LRRC4C: variants seen among roughly 807,000 people sequenced by gnomAD.
LRRC4C encodes leucine-rich repeat-containing protein 4C.
LRRC4C carries 5 observed loss-of-function variants against 33.6 expected under a neutral mutation model. The ratio of observed to expected loss-of-function variants is 0.15; its 90% CI spans 0.08 to 0.31. LRRC4C has a LOEUF of 0.31. LRRC4C is among the 10% of genes least tolerant of loss of function. The pLI is 1.00. For synonymous variants in LRRC4C, 329 were observed against 302.0 expected (o/e 1.09, Z -0.93); for missense variants, 560 against 796.7 (o/e 0.70, Z 3.58).
chr11:41,281,181 T>G (rs1017577725), intron 1 of LRRC4C, among the ~76,000 whole-genome samples: 3 of 149,836 alleles, frequency 2.0e-5, no homozygotes, highest in Non-Finnish European at 4.4e-5. Context: ...CCAGTAGTGC[T>G]AAAATCTAAA....
intron 1 of LRRC4C, among the ~76,000 whole-genome samples, chr11:41,154,092 A>G (rs1004634683): frequency 2.6e-5 from 4 of 152,176 alleles, no homozygotes; most frequent in African/African-American, 9.6e-5. Flanking sequence ...TGGCCTCCAG[A>G]ACTATAAGAG....
Position 41,244,345 on chromosome 11 carries a change from A to G in LRRC4C, c.-496+215086T>C, listed in dbSNP as rs542805392. On this transcript the variant is annotated intron_variant, in intron 1 of 6. Coordinates refer to ENST00000528697, the MANE Select transcript of LRRC4C (RefSeq NM_001258419.2). The stretch of plus-strand genomic sequence containing the variant: ...ACAAACAAATAGAAAATGATGCAAT[A>G]TATTTTATGTAAGAATTAATAGAAG... Among the ~76,000 whole-genome samples the G allele has an allele frequency of 2.0e-5, 3 of 152,316 alleles. No individual in the cohort carries two copies. The South Asian group carries it at 6.2e-4, about 32-fold the overall frequency.
At chr11:40,116,518 C>T (rs1359545041) in intron 6 of LRRC4C, among the ~76,000 whole-genome samples, 184 bp from the exon 7 acceptor site, 2 of 151,906 alleles carry the variant, frequency 1.3e-5, no homozygotes, top group African/African-American at 2.4e-5. Context: ...ACCTTTAATC[C>T]AAATTAAAGC....
intron 1 of LRRC4C, among the ~76,000 whole-genome samples, chr11:41,273,028 G>A (rs1949368414): frequency 6.6e-6 from 1 of 152,140 alleles, no homozygotes; most frequent in Non-Finnish European, 1.5e-5. Context: ...TTAAGAAAAT[G>A]TTTGGTGTCA....
At chr11:41,063,063 T>C (rs531194523) in intron 1 of LRRC4C, among the ~76,000 whole-genome samples, 7 of 152,334 alleles carry the variant, frequency 4.6e-5, no homozygotes, top group African/African-American at 1.7e-4. Flanking sequence ...AGGCAACTAA[T>C]ATATAATGAT....
intron 1 of LRRC4C, among the ~76,000 whole-genome samples, chr11:41,410,642 G>T (rs959868640): frequency 6.6e-6 from 1 of 151,806 alleles, no homozygotes; most frequent in Non-Finnish European, 1.5e-5. Flanking sequence ...GTGTTTCACC[G>T]TGTTAGCCAG....
intron 3 of LRRC4C, among the ~76,000 whole-genome samples, chr11:40,391,824 C>T (rs1949348958): frequency 6.6e-6 from 1 of 152,068 alleles, no homozygotes. Flanking sequence ...AATTTTATGT[C>T]CACATAAAAA....
At chr11:40,214,243 A>G (rs1863813496) in intron 5 of LRRC4C, among the ~76,000 whole-genome samples, 1 of 152,144 alleles carries the variant, frequency 6.6e-6, no homozygotes, top group African/African-American at 2.4e-5. Context: ...AAATTCTTAC[A>G]CATTCCCTCT....
At chr11:40,974,900 T>A (rs1353313550) in intron 1 of LRRC4C, among the ~76,000 whole-genome samples, 1 of 152,116 alleles carries the variant, frequency 6.6e-6, no homozygotes, top group East Asian at 1.9e-4. Context: ...ACTCCAGGAT[T>A]TACACCAGCA....
chr11:41,373,298 G>A (rs914683646), intron 1 of LRRC4C, among the ~76,000 whole-genome samples: 3 of 151,986 alleles, frequency 2.0e-5, no homozygotes, highest in African/African-American at 7.2e-5. Flanking sequence ...ACTACGTTTA[G>A]TTGTGTGTTT....
At chr11:40,952,563 C>T (rs1958743840) in intron 1 of LRRC4C, among the ~76,000 whole-genome samples, 1 of 151,816 alleles carries the variant, frequency 6.6e-6, no homozygotes, top group African/African-American at 2.4e-5. Context: ...TTCAGCAATG[C>T]AAATGTAAAT....
At chr11:40,544,500 C>T (rs1443932249) in intron 3 of LRRC4C, among the ~76,000 whole-genome samples, 1 of 152,020 alleles carries the variant, frequency 6.6e-6, no homozygotes, top group African/African-American at 2.4e-5. Flanking sequence ...AAAGCAGTAG[C>T]CCCTTACATA....
At chr11:40,414,664 AG>A (rs978250922) in intron 3 of LRRC4C, among the ~76,000 whole-genome samples, 8 of 152,084 alleles carry the variant, frequency 5.3e-5, no homozygotes, top group Admixed American at 3.9e-4. Context: ...ATTTAAAAAA[AG>A]ACCTATAAAA....
At chr11:40,662,316 A>T (rs1943481480) in intron 2 of LRRC4C, among the ~76,000 whole-genome samples, 1 of 152,130 alleles carries the variant, frequency 6.6e-6, no homozygotes, top group Admixed American at 6.5e-5. Context: ...CCCCACAGGA[A>T]TGCATGTGGA....
intron 3 of LRRC4C, among the ~76,000 whole-genome samples, chr11:40,631,057 C>T (rs1269685612): frequency 6.6e-6 from 1 of 152,178 alleles, no homozygotes; most frequent in East Asian, 1.9e-4. Flanking sequence ...CTTACTGCTT[C>T]CTTTAGAGAA....
chr11:41,077,487 C>T (rs946945619), intron 1 of LRRC4C, among the ~76,000 whole-genome samples: 2 of 152,188 alleles, frequency 1.3e-5, no homozygotes. Flanking sequence ...GGCTTGTACC[C>T]CCTGGAGCAA....
intron 2 of LRRC4C, among the ~76,000 whole-genome samples, chr11:40,826,294 C>T (rs182553593): frequency 2.0e-5 from 3 of 151,878 alleles, no homozygotes; most frequent in Non-Finnish European, 4.4e-5. Flanking sequence ...CTCTCTCAAC[C>T]AAAAGTCCCA....
intron 1 of LRRC4C, among the ~76,000 whole-genome samples, chr11:41,098,719 A>G (rs928114889): frequency 2.6e-5 from 4 of 152,142 alleles, no homozygotes; most frequent in African/African-American, 9.6e-5. Flanking sequence ...AATGAAACAT[A>G]CAAAGCTTTT....
chr11:40,331,160 AC>A (rs1001148078), intron 3 of LRRC4C, among the ~76,000 whole-genome samples: 1 of 152,216 alleles, frequency 6.6e-6, no homozygotes, highest in African/African-American at 2.4e-5. Flanking sequence ...AGAAAAGGGA[AC>A]TTTTATACAC....
Sources: gnomAD v4.1 joint callset for allele counts (sites outside exome capture counted in the v4.1 genomes callset) on GRCh38, gnomAD v4.1.1 for gene constraint, MANE v1.5 for transcripts, NCBI Gene and HGNC (gene_info 2026-07-23, HGNC 2026-07-21) for gene names.